CREB5: variants seen among roughly 807,000 people sequenced by gnomAD.
CREB5 encodes cyclic AMP-responsive element-binding protein 5.
A neutral mutation model predicts 57.1 loss-of-function variants in CREB5; 19 were observed. That is an observed-to-expected ratio of 0.33 (90% CI 0.23 to 0.49). CREB5 has a LOEUF of 0.49. Among genes scored for constraint, CREB5 ranks in the 20% least tolerant of loss-of-function variants. CREB5 has a pLI of 0.99. For synonymous variants in CREB5, 238 were observed against 238.3 expected (o/e 1.00, Z 0.01); for missense variants, 579 against 671.6 (o/e 0.86, Z 1.52).
At chr7:28,434,394 A>G (rs948773940) in intron 1 of CREB5, among the ~76,000 whole-genome samples, 1 of 152,180 alleles carries the variant, frequency 6.6e-6, no homozygotes, top group African/African-American at 2.4e-5. Flanking sequence ...AGATCCAGTT[A>G]TTTGTAAACT....
intron 1 of CREB5, among the ~76,000 whole-genome samples, chr7:28,357,303 A>G (rs987846424): frequency 2.0e-5 from 3 of 152,168 alleles, no homozygotes; most frequent in Admixed American, 2.0e-4. Context: ...AATGTCCATC[A>G]GATTTTTACA....
At chr7:28,363,155 T>C (rs1009229895) in intron 1 of CREB5, among the ~76,000 whole-genome samples, 1 of 152,138 alleles carries the variant, frequency 6.6e-6, no homozygotes, top group Non-Finnish European at 1.5e-5. Context: ...GGAGGATATT[T>C]ATGACTGGAG....
chr7:28,455,821 G>A (rs1484812241), intron 1 of CREB5, among the ~76,000 whole-genome samples: 2 of 152,208 alleles, frequency 1.3e-5, no homozygotes, highest in Non-Finnish European at 2.9e-5. Context: ...ACTGTCCATG[G>A]CTCTGGCCAA....
chr7:28,623,341 G>A (rs984415908), intron 5 of CREB5, among the ~76,000 whole-genome samples: 1 of 152,222 alleles, frequency 6.6e-6, no homozygotes, highest in African/African-American at 2.4e-5. Flanking sequence ...TTTTGTCCTT[G>A]TGATTGCCTC....
At chr7:28,326,359 A>T (rs10951195) in intron 1 of CREB5, among the ~76,000 whole-genome samples, 64,722 of 151,922 alleles carry the variant, frequency 0.43, 14,405 homozygotes, top group African/African-American at 0.51. Context: ...TCCTTAATAT[A>T]TTTATTTGCT....
intron 4 of CREB5, among the ~76,000 whole-genome samples, chr7:28,538,801 C>A (rs980190253): frequency 1.3e-5 from 2 of 152,130 alleles, no homozygotes; most frequent in South Asian, 4.2e-4. Context: ...TTTTTATTAT[C>A]ATTCAGTTAA....
chr7:28,321,571 G>A (rs181519587), intron 1 of CREB5, among the ~76,000 whole-genome samples: 88 of 152,280 alleles, frequency 5.8e-4, no homozygotes, highest in African/African-American at 1.9e-3. Context: ...GTGAGTGTGC[G>A]CCCAACTCCA....
chr7:28,638,680 T>G (rs1308384511), intron 5 of CREB5, among the ~76,000 whole-genome samples: 2 of 152,144 alleles, frequency 1.3e-5, no homozygotes, highest in Non-Finnish European at 2.9e-5. Context: ...CAAGAGAGAA[T>G]GCACCAATAC....
chr7:28,781,811 G>C (rs11760475), intron 7 of CREB5, among the ~76,000 whole-genome samples: 1 of 151,532 alleles, frequency 6.6e-6, no homozygotes, highest in Non-Finnish European at 1.5e-5. Context: ...ATAGTACTTA[G>C]ACTGTGCTGG....
intron 4 of CREB5, among the ~76,000 whole-genome samples, chr7:28,512,647 C>CTG (rs746213187): frequency 2.8e-4 from 21 of 75,468 alleles, no homozygotes; most frequent in Non-Finnish European, 1.7e-4. Flanking sequence ...CATATAATAA[C>CTG]TGTGTGTGTG....
At chr7:28,625,529 A>C (rs1166937097) in intron 5 of CREB5, among the ~76,000 whole-genome samples, 1 of 152,198 alleles carries the variant, frequency 6.6e-6, no homozygotes, top group African/African-American at 2.4e-5. Flanking sequence ...CTGGAGTTAA[A>C]ATCCCAAAGC....
intron 2 of CREB5, among the ~76,000 whole-genome samples, chr7:28,489,953 A>C (rs1029855266): frequency 1.3e-5 from 2 of 152,232 alleles, no homozygotes; most frequent in African/African-American, 4.8e-5. Context: ...CTAAGTTACT[A>C]GAGTAACTAA....
chr7:28,354,125 A>G (rs1475279842), intron 1 of CREB5, among the ~76,000 whole-genome samples: 2 of 152,138 alleles, frequency 1.3e-5, no homozygotes, highest in Non-Finnish European at 2.9e-5. Context: ...ACTACTAAGG[A>G]GTGCTTGCAT....
intron 1 of CREB5, among the ~76,000 whole-genome samples, chr7:28,470,670 T>C (rs1473574491): frequency 6.6e-6 from 1 of 152,186 alleles, no homozygotes; most frequent in African/African-American, 2.4e-5. Flanking sequence ...TCCACAGTGA[T>C]TGTACTAATT....
Position 28,623,267 on chromosome 7 carries a change from C to A in CREB5, c.464+52730C>A, listed in dbSNP as rs573671356. ...TAGGAATACAGGCATACCTAGAATA[C>A]GTTCTGAGCATGCACACATAGATGT... On this transcript the variant is annotated intron_variant, in intron 5 of 10. Transcript: ENST00000357727. 1.2e-3 allele frequency among the ~76,000 whole-genome samples: 182 copies of A among 152,342 alleles called. 1 individual carries two copies. Among genetic ancestry groups the A allele is most frequent in the African/African-American group, 4.2e-3 (173 of 41,578 alleles).
At chr7:28,733,428 C>G (rs548199874) in intron 7 of CREB5, among the ~76,000 whole-genome samples, 2 of 152,322 alleles carry the variant, frequency 1.3e-5, no homozygotes, top group East Asian at 3.9e-4. Context: ...CTCCAGGACC[C>G]CCTCTCAGGA....
At chr7:28,725,688 G>A (rs957205896) in intron 7 of CREB5, among the ~76,000 whole-genome samples, 1 of 148,326 alleles carries the variant, frequency 6.7e-6, no homozygotes, top group Admixed American at 6.7e-5. Flanking sequence ...AGAAAAGAAA[G>A]AAAAGAAAAA....
chr7:28,663,157 A>G (rs1799678198), intron 5 of CREB5, among the ~76,000 whole-genome samples: 1 of 151,402 alleles, frequency 6.6e-6, no homozygotes, highest in African/African-American at 2.4e-5. Context: ...AAAAAAAAAG[A>G]AAGATCGAAA....
At chr7:28,732,602 G>A (rs572237391) in intron 7 of CREB5, among the ~76,000 whole-genome samples, 1 of 152,156 alleles carries the variant, frequency 6.6e-6, no homozygotes, top group African/African-American at 2.4e-5. Context: ...GTTCTGCTTT[G>A]CAGAGATATA....
Sources: allele counts gnomAD v4.1 joint callset (sites outside exome capture counted in the v4.1 genomes callset), GRCh38; gene constraint gnomAD v4.1.1; transcripts MANE v1.5; gene names NCBI Gene and HGNC (gene_info 2026-07-23, HGNC 2026-07-21).